Variants in ITGAM observed in about 807,000 individuals in gnomAD.
ITGAM encodes the protein integrin subunit alpha M.
Under a neutral mutation model 137.5 loss-of-function variants are expected in ITGAM, and 79 were observed. The observed-to-expected ratio is 0.57, with a 90% confidence interval of 0.48 to 0.69. The LOEUF (loss-of-function observed/expected upper bound fraction) is 0.69, where lower values mean the gene tolerates loss of function less well. ITGAM is among the 30% of genes least tolerant of loss of function. The pLI is 0.00. For synonymous variants in ITGAM, 583 were observed against 592.3 expected, an observed-to-expected ratio of 0.98 and a Z score of 0.23; for missense variants, 1,343 against 1,483.5, an observed-to-expected ratio of 0.91 and a Z score of 1.56.
At chr16:31,260,361 G>A (rs2079685911) in intron 1 of ITGAM, among the ~76,000 whole-genome samples, 1 of 152,128 alleles carries the variant, frequency 6.6e-6, no homozygotes, top group African/African-American at 2.4e-5. Flanking sequence ...GAGGCCCAGG[G>A]AGGAGAAGTG....
At chr16:31,293,385 A>G (rs552577965) in intron 12 of ITGAM, among the ~76,000 whole-genome samples, 130 of 152,246 alleles carry the variant, frequency 8.5e-4, no homozygotes, top group African/African-American at 2.9e-3. Context: ...TGGGTTTTAC[A>G]TTTAAGTCTT....
chr16:31,268,934 G>A (rs2011491), intron 5 of ITGAM, among the ~76,000 whole-genome samples: 108,942 of 152,142 alleles, frequency 0.72, 40,050 homozygotes, highest in African/African-American at 0.88. Context: ...CCTAGACAGA[G>A]CCGATTCATC....
intron 23 of ITGAM, chr16:31,328,874 A>G (rs2080542658): frequency 2.7e-6 from 1 of 375,830 alleles, no homozygotes; most frequent in Non-Finnish European, 4.9e-6. Flanking sequence ...ATGTGCATGT[A>G]TGTGTGCATG....
intron 12 of ITGAM, among the ~76,000 whole-genome samples, chr16:31,289,908 C>T (rs1028758564): frequency 2.0e-5 from 3 of 151,660 alleles, no homozygotes; most frequent in African/African-American, 7.3e-5. Flanking sequence ...ATGGAGAAAC[C>T]CTGTCGTTAC....
At chr16:31,282,546 G>T (rs994476403) in intron 12 of ITGAM, among the ~76,000 whole-genome samples, 18 of 151,942 alleles carry the variant, frequency 1.2e-4, no homozygotes, top group Non-Finnish European at 2.5e-4. Flanking sequence ...GCAACCCCTG[G>T]TTTTTTCTGT....
At chr16:31,267,144 G>A (rs1051296046) in intron 5 of ITGAM, among the ~76,000 whole-genome samples, 1 of 152,098 alleles carries the variant, frequency 6.6e-6, no homozygotes, top group Non-Finnish European at 1.5e-5. Flanking sequence ...CTGGGAATGA[G>A]CCAGGGAATG....
intron 16 of ITGAM, among the ~76,000 whole-genome samples, chr16:31,323,135 G>T (rs1203315202): frequency 1.3e-5 from 2 of 151,968 alleles, no homozygotes; most frequent in Non-Finnish European, 1.5e-5. Context: ...AGTAGTTAAA[G>T]AATTTCCCCA....
intron 14 of ITGAM, among the ~76,000 whole-genome samples, chr16:31,312,251 G>A (rs35383035): frequency 0.14 from 21,552 of 151,616 alleles, 1,698 homozygotes; most frequent in South Asian, 0.2. Context: ...AAACCTGCAC[G>A]TTGTGCATGT....
intron 5 of ITGAM, among the ~76,000 whole-genome samples, chr16:31,268,855 G>A (rs2079798636): frequency 6.6e-6 from 1 of 152,142 alleles, no homozygotes; most frequent in Non-Finnish European, 1.5e-5. Context: ...TATATCAGTA[G>A]GAGTCTCAAC....
intron 23 of ITGAM, 157 bp from the exon 24 acceptor site, chr16:31,329,071 G>GTT: frequency 1.9e-6 from 1 of 518,504 alleles, no homozygotes; most frequent in East Asian, 4.1e-5. Flanking sequence ...GCACACATTG[G>GTT]TTCCCCCATC....
At chr16:31,325,819 A>G (rs1366665233) in intron 21 of ITGAM, among the ~76,000 whole-genome samples, 197 bp downstream of exon 21, 3 of 152,116 alleles carry the variant, frequency 2.0e-5, no homozygotes, top group Non-Finnish European at 4.4e-5. Flanking sequence ...TAATCATAGC[A>G]CTTTAGGAGG....
chr16:31,330,746 A>C (rs1422377763), intron 28 of ITGAM, 141 bp downstream of exon 28: 2 of 642,494 alleles, frequency 3.1e-6, no homozygotes, highest in Non-Finnish European at 5.3e-6. Context: ...ACAGAGACGT[A>C]AGGAGAGAGA....
chr16:31,310,676 A>C (rs1023883467), intron 14 of ITGAM, among the ~76,000 whole-genome samples: 1 of 152,238 alleles, frequency 6.6e-6, no homozygotes, highest in Non-Finnish European at 1.5e-5. Context: ...TGATCTTCTG[A>C]AGCCTTCCTC....
chr16:31,276,883 T>C (rs368222130), intron 10 of ITGAM, 37 bp from the exon 11 acceptor site: 135 of 1,599,792 alleles, frequency 8.4e-5, no homozygotes, highest in Admixed American at 2.4e-4. Flanking sequence ...TTGTCCCTTC[T>C]TCCTTCCTCA....
chr16:31,262,088 G>A (rs979445532), intron 2 of ITGAM, among the ~76,000 whole-genome samples: 2 of 151,976 alleles, frequency 1.3e-5, no homozygotes, highest in Non-Finnish European at 1.5e-5. Context: ...ACACATACAC[G>A]TTCCCTCCCT....
At chr16:31,302,960 CTTT>C (rs2080227919) in intron 14 of ITGAM, among the ~76,000 whole-genome samples, 1 of 120,206 alleles carries the variant, frequency 8.3e-6, no homozygotes, top group African/African-American at 3.2e-5. Context: ...TTCTTTCTTT[CTTT>C]CTTTCTTTCT....
In ITGAM at chr16:31,330,189, G is replaced by A. The variant is rs765890160; in HGVS notation, c.3060+25G>A. ...GGTGAGAAGCTAAGTCAGCCCCAGG[G>A]CCACACAGAGACCCAGAGCGCTTCC... On this transcript the variant is annotated intron_variant, in intron 26 of 29. Coordinates refer to ENST00000544665, the MANE Select transcript of ITGAM (RefSeq NM_000632.4). The A allele has an allele frequency of 2.7e-5, 43 of 1,608,640 alleles. No homozygotes were observed. In the East Asian group the frequency reaches 8.7e-4, roughly 33 times the overall value.
intron 16 of ITGAM, among the ~76,000 whole-genome samples, chr16:31,322,836 G>A (rs754797118): frequency 5.9e-5 from 9 of 152,120 alleles, no homozygotes; most frequent in Non-Finnish European, 1.2e-4. Flanking sequence ...CTGAAATGAA[G>A]AATTCAGTAA....
intron 12 of ITGAM, among the ~76,000 whole-genome samples, chr16:31,291,700 A>G (rs1007025645): frequency 2.6e-5 from 4 of 152,082 alleles, no homozygotes; most frequent in Non-Finnish European, 5.9e-5. Context: ...AAAAACAAAT[A>G]TTGCATGTTC....
Sources: gnomAD v4.1 joint callset for allele counts (sites outside exome capture counted in the v4.1 genomes callset) on GRCh38, gnomAD v4.1.1 for gene constraint, MANE v1.5 for transcripts, NCBI Gene and HGNC (gene_info 2026-07-23, HGNC 2026-07-21) for gene names.